KDM6B: variants seen among roughly 807,000 people sequenced by gnomAD.
KDM6B encodes the protein lysine demethylase 6B, also known as lysine-specific demethylase 6B.
KDM6B carries 22 observed loss-of-function variants against 150.4 expected under a neutral mutation model. The ratio of observed to expected loss-of-function variants is 0.15; its 90% confidence interval spans 0.10 to 0.21. KDM6B has a LOEUF of 0.21. Among genes scored for constraint, KDM6B ranks in the 10% least tolerant of loss-of-function variants. KDM6B has a pLI of 1.00. For missense variants in KDM6B, 1,984 were observed against 2,234.3 expected (o/e 0.89, Z 2.26); for synonymous variants, 1,148 against 921.1 (o/e 1.25, Z -4.46).
At position 7,849,006 on chromosome 17, in the gene KDM6B, T is replaced by C. The variant is rs754466779; in HGVS notation, c.2718T>C (p.Pro906=). ...TQPPPPLSLP[P]ARSESEVLEE... The stretch of plus-strand genomic sequence containing the variant: ...CGCCCCCACCCCTATCTCTGCCCCC[T>C]GCTCGCTCTGAGTCTGAGGTGCTAG... Residue 906 remains proline, a synonymous_variant, in exon 12 of 24, where the codon CCT becomes CCC. Coordinates refer to ENST00000448097, the MANE Select transcript of KDM6B (RefSeq NM_001348716.2). The C allele has an allele frequency of 3.5e-6, 3 of 855,816 alleles. No homozygotes were observed. The highest frequency in any genetic ancestry group is 2.3e-5 in the Admixed American group (1 of 42,654). The allele number at this position is 855,816 out of a possible 1,614,324, so 53.0% of individuals were successfully genotyped here.
intron 7 of KDM6B, 30 bp from the exon 8 acceptor site, chr17:7,846,370 T>TGGGCCC: frequency 1.0e-5 from 15 of 1,501,898 alleles, no homozygotes; most frequent in Non-Finnish European, 1.2e-5. Context: ...ACCTGACATC[T>TGGGCCC]GCCCCTGCCC....
Position 7,849,583 on chromosome 17 carries a change from C to T in KDM6B, c.3295C>T (p.Pro1099Ser), listed in dbSNP as rs1766193225. The change falls in exon 12 of 24, where the codon CCC becomes TCC. Residue 1099 changes from proline to serine, a missense_variant. By Grantham distance (74) the Pro-to-Ser change is moderately conservative. Transcript: ENST00000448097. Reference sequence around the variant, plus strand: ...GAAGCTGCGCTCACTTAGTGAGGGGCCCCCCAAGGAGCTGAAGATCCGGCT... The same window carrying T: ...GAAGCTGCGCTCACTTAGTGAGGGGTCCCCCAAGGAGCTGAAGATCCGGCT... Reference protein sequence around the residue: ...MLKLRSLSEGPPKELKIRLIK... With the variant: ...MLKLRSLSEGSPKELKIRLIK... 6.2e-7 allele frequency: 1 copy of T among 1,612,418 alleles called. No homozygotes were observed. The highest frequency in any genetic ancestry group is 8.5e-7 in the Non-Finnish European group (1 of 1,179,956).
Position 7,847,455 on chromosome 17 carries a change from G to A in KDM6B, c.1257+3G>A. 1.9e-6 allele frequency: 3 copies of A among 1,613,688 alleles called. No individual in the cohort carries two copies. The highest frequency in any genetic ancestry group is 2.5e-6 in the Non-Finnish European group (3 of 1,179,952). On this transcript the variant is annotated splice_donor_region_variant and intron_variant, in intron 11 of 23. Transcript: ENST00000448097. ...GCGTGGAGCCGAACCCAGGCATTGT[G>A]AGTGACAACTGAGGGTGGAGGGGGG...
chr17:7,842,697 G>A (rs559468575), intron 2 of KDM6B, among the ~76,000 whole-genome samples: 3 of 152,318 alleles, frequency 2.0e-5, no homozygotes, highest in African/African-American at 4.8e-5. Context: ...CCGCGGGACC[G>A]GTGGTGAGCC....
At chr17:7,841,520 G>A (rs1312781586) in intron 2 of KDM6B, among the ~76,000 whole-genome samples, 1 of 152,244 alleles carries the variant, frequency 6.6e-6, no homozygotes, top group East Asian at 1.9e-4. Flanking sequence ...ACAAAAGACC[G>A]AGACAGGAGC....
At chr17:7,852,893 G>T in intron 21 of KDM6B, 107 bp from the exon 22 acceptor site, 1 of 1,477,248 alleles carries the variant, frequency 6.8e-7, no homozygotes, top group Admixed American at 1.7e-5. Context: ...AAGCGGGGAG[G>T]CCCCTAGGGG....
rs2078285904 is a variant in KDM6B at position 7,834,288 on chromosome 17, G to A, written c.-450G>A. Among the ~76,000 whole-genome samples, 1 of 151,930 alleles carries A rather than the reference G, an allele frequency of 6.6e-6. No individual in the cohort carries two copies. The highest frequency in any genetic ancestry group is 3.4e-3 in the Middle Eastern group (1 of 292). ...CCAGCCCCGGCCTGGGAGAAGGGGG[G>A]GCCGCTCGACCCCCTGGGATACCTT... On this transcript the variant is annotated 5_prime_UTR_variant, in exon 1 of 24. Coordinates refer to ENST00000448097, the MANE Select transcript of KDM6B (RefSeq NM_001348716.2).
chr17:7,842,169 G>A (rs2078429443), intron 2 of KDM6B, among the ~76,000 whole-genome samples: 1 of 152,218 alleles, frequency 6.6e-6, no homozygotes, highest in Non-Finnish European at 1.5e-5. Context: ...CAAGCCCAGA[G>A]AGAGTTAAGT....
intron 7 of KDM6B, 29 bp from the exon 8 acceptor site, chr17:7,846,371 G>GGGCCGGCGCCCGGGGCCCCCCCCC: frequency 6.7e-7 from 1 of 1,488,926 alleles, no homozygotes; most frequent in Non-Finnish European, 9.2e-7. Context: ...CCTGACATCT[G>GGGCCGGCGCCCGGGGCCCCCCCCC]CCCCTGCCCC....
Position 7,849,306 on chromosome 17 carries a change from G to A in KDM6B, c.3018G>A (p.Lys1006=). ...CCCGTGAGGGCAGGGCAAAGGCCAA[G>A]GCCAAGGTCCCCAAAGAAAAGAGCC... The part of the protein sequence containing the change: ...RRPREGRAKA[K]AKVPKEKSRR... Residue 1006 remains lysine, a synonymous_variant, in exon 12 of 24, where the codon AAG becomes AAA. Transcript: ENST00000448097. 4.5e-6 allele frequency: 7 copies of A among 1,560,198 alleles called. No individual in the cohort carries two copies. The highest frequency in any genetic ancestry group is 6.1e-6 in the Non-Finnish European group (7 of 1,152,078).
intron 1 of KDM6B, among the ~76,000 whole-genome samples, chr17:7,839,491 G>C (rs1366380074): frequency 1.3e-5 from 2 of 152,044 alleles, no homozygotes; most frequent in Non-Finnish European, 2.9e-5. Flanking sequence ...GGGGTTGACT[G>C]TCTGGTGTCT....
Position 7,846,921 on chromosome 17 carries a change from C to T in KDM6B, c.814C>T (p.Pro272Ser), listed in dbSNP as rs758660666. The T allele has an allele frequency of 1.4e-5, 19 of 1,401,498 alleles. No homozygotes were observed. The highest frequency in any genetic ancestry group is 1.7e-5 in the Non-Finnish European group (18 of 1,041,152). 86.8% of individuals were successfully genotyped at this position (1,401,498 alleles called of 1,614,324 possible). ...PPPLPGLATS[P>S]PFQLTKPGLW... ...ACCCCTGCCTGGCCTGGCTACCAGCCCCCCATTTCAGCTAACCAAGCCAGG... is the reference window on the plus strand; with the variant it reads ...ACCCCTGCCTGGCCTGGCTACCAGCTCCCCATTTCAGCTAACCAAGCCAGG... Residue 272 changes from proline (P) to serine (S), a missense_variant, in exon 10 of 24, where the codon CCC (proline) becomes TCC (serine). By Grantham distance (74) the Pro-to-Ser change is moderately conservative (BLOSUM62 -1). This residue lies in a region of KDM6B where 1,379 missense variants were observed against 1,275.6 expected (regional missense o/e 1.08). Coordinates refer to ENST00000448097, the MANE Select transcript of KDM6B (RefSeq NM_001348716.2).
In KDM6B at chr17:7,852,242, C is replaced by G. The variant is rs1321172799; in HGVS notation, c.4374C>G (p.Pro1458=). ...CTGTGTACCGCTTCGTGCAGCGACC[C>G]GGAGACCTCGTGTGGATTAATGCGG... ...NIPVYRFVQR[P]GDLVWINAGT... is the part of the protein sequence containing the mutation. The change falls in exon 20 of 24, where the codon CCC becomes CCG. Residue 1458 remains proline, a synonymous_variant. Transcript: ENST00000448097. The G allele has an allele frequency of 3.7e-6, 6 of 1,613,974 alleles. No individual in the cohort carries two copies. The highest frequency in any genetic ancestry group is 2.2e-5 in the South Asian group (2 of 91,090).
In KDM6B at chr17:7,848,688, G is replaced by C; in HGVS notation, c.2400G>C (p.Pro800=). ...CACCACCACCCCCACCCCCCAGCCC[G>C]GCCAGCCTGCTCAAATCCTTGGCCT... is the stretch of plus-strand genomic sequence containing the variant. ...PQPPPPPPPS[P]ASLLKSLASV... The change falls in exon 12 of 24, where the codon CCG becomes CCC. Residue 800 remains proline, a synonymous_variant. Transcript: ENST00000448097. The C allele has an allele frequency of 1.2e-6, 2 of 1,611,080 alleles. No homozygotes were observed. The highest frequency in any genetic ancestry group is 1.7e-6 in the Non-Finnish European group (2 of 1,179,562).
chr17:7,849,416 A>C lies in KDM6B; in HGVS notation c.3128A>C (p.Lys1043Thr). Residue 1043 changes from lysine to threonine, a missense_variant, in exon 12 of 24, where the codon AAG becomes ACG. By Grantham distance (78) the Lys-to-Thr change is moderately conservative. Coordinates refer to ENST00000448097, the MANE Select transcript of KDM6B (RefSeq NM_001348716.2). ...CGGCCCGATCTTGGCGGGGCCTCCA[A>C]GGCCAAGCCACCCACAGCTCCAGCC... ...KSRPDLGGAS[K>T]AKPPTAPAPP... The C allele has an allele frequency of 3.1e-6, 5 of 1,611,890 alleles. No individual in the cohort carries two copies. The highest frequency in any genetic ancestry group is 4.2e-6 in the Non-Finnish European group (5 of 1,179,630).
In KDM6B at chr17:7,853,944, C is replaced by A; in HGVS notation, c.*423C>A. On this transcript the variant is annotated 3_prime_UTR_variant, in exon 24 of 24. Coordinates refer to ENST00000448097, the MANE Select transcript of KDM6B (RefSeq NM_001348716.2). ...GGCAGCCGAGGTTTTTAATGAGATT[C>A]TTTCTATGGGCTTTACCCCTCCCCC... 6.3e-6 allele frequency: 1 copy of A among 159,314 alleles called. No homozygotes were observed. Among genetic ancestry groups the A allele is most frequent in the Non-Finnish European group, 1.4e-5 (1 of 72,720 alleles). The allele number at this position is 159,314 out of a possible 1,614,324, so 9.9% of individuals were successfully genotyped here. A position where few individuals can be genotyped will look rare whatever the true frequency, so the allele number is the denominator to read the frequency against.
rs1265003731 is a variant in KDM6B, at chr17:7,854,314, AG to A, written c.*794del. 2.0e-5 allele frequency: 3 copies of A among 152,552 alleles called. No individual in the cohort carries two copies. The highest frequency in any genetic ancestry group is 7.2e-5 in the African/African-American group (3 of 41,394). 9.4% of individuals were successfully genotyped at this position (152,552 alleles called of 1,614,324 possible). On this transcript the variant is annotated 3_prime_UTR_variant, in exon 24 of 24. Transcript: ENST00000448097. ...CCTACGTCCTGCACTTTCTCGGACCAGTCCCCCCACTCCCGACCCGACCCCA... is the reference window on the plus strand; with the variant it reads ...CCTACGTCCTGCACTTTCTCGGACCATCCCCCCACTCCCGACCCGACCCCA...
At position 7,848,569 on chromosome 17, in the gene KDM6B, A is replaced by G. The variant is rs866310940; in HGVS notation, c.2281A>G (p.Thr761Ala). The G allele has an allele frequency of 6.7e-7, 1 of 1,497,478 alleles. No homozygotes were observed. Among genetic ancestry groups the G allele is most frequent in the Non-Finnish European group, 9.0e-7 (1 of 1,108,844 alleles). The allele number at this position is 1,497,478 out of a possible 1,614,324, so 92.8% of individuals were successfully genotyped here. Residue 761 changes from threonine (T) to alanine (A), a missense_variant, in exon 12 of 24, where the codon ACC becomes GCC. Physicochemically the swap from Thr to Ala is moderately conservative, Grantham distance 58 (BLOSUM62 0). Coordinates refer to ENST00000448097, the MANE Select transcript of KDM6B (RefSeq NM_001348716.2). ...CACCACCACCACCACCACCACCACC[A>G]CCACGGCCACCCAGGAAGAGGAGAA... The part of the protein sequence containing the change: ...VTTTTTTTTT[T>A]TATQEEEKKP...
intron 2 of KDM6B, chr17:7,840,784 A>T (rs2078402529): frequency 6.6e-6 from 1 of 152,152 alleles, no homozygotes; most frequent in Admixed American, 6.5e-5. Flanking sequence ...ATTGGGGTGC[A>T]TGGTGGATTT....
Sources: allele counts gnomAD v4.1 joint callset (sites outside exome capture counted in the v4.1 genomes callset), GRCh38; gene constraint gnomAD v4.1.1; regional missense constraint gnomAD v4.1.1; transcripts MANE v1.5; gene names NCBI Gene and HGNC (gene_info 2026-07-23, HGNC 2026-07-21).